The following LPP variants were observed in gnomAD, a reference collection of about 807,000 sequenced individuals.
LPP encodes lipoma-preferred partner.
LPP carries 38 observed loss-of-function variants against 60.4 expected under a neutral mutation model. The ratio of observed to expected loss-of-function variants is 0.63; its 90% CI spans 0.49 to 0.83. The LOEUF (loss-of-function observed/expected upper bound fraction) is 0.83, where lower values mean the gene tolerates loss of function less well. Ranked by LOEUF, LPP falls within the 40% of genes least tolerant of loss-of-function variation. The pLI, the probability that LPP is intolerant of heterozygous loss-of-function variation, is 0.00. For synonymous variants in LPP, 328 were observed against 290.8 expected (o/e 1.13, Z -1.30); for missense variants, 902 against 783.6 (o/e 1.15, Z -1.80).
intron 6 of LPP, among the ~76,000 whole-genome samples, chr3:188,536,229 G>A (rs570636345): frequency 2.6e-5 from 4 of 152,038 alleles, no homozygotes; most frequent in East Asian, 3.9e-4. Flanking sequence ...GGGTGGCCTC[G>A]AACTCCCGAC....
intron 9 of LPP, among the ~76,000 whole-genome samples, chr3:188,808,586 A>C (rs543115721): frequency 6.6e-6 from 1 of 152,258 alleles, no homozygotes; most frequent in Non-Finnish European, 1.5e-5. Flanking sequence ...GCAGGGCATT[A>C]AGCCTTTCCC....
intron 6 of LPP, among the ~76,000 whole-genome samples, chr3:188,535,513 G>A (rs962548135): frequency 6.6e-5 from 10 of 152,088 alleles, no homozygotes; most frequent in African/African-American, 2.4e-4. Flanking sequence ...AAGCTAATCT[G>A]TAATAGATAT....
At chr3:188,291,706 C>A (rs1746039017) in intron 2 of LPP, among the ~76,000 whole-genome samples, 1 of 150,202 alleles carries the variant, frequency 6.7e-6, no homozygotes, top group African/African-American at 2.4e-5. Context: ...GTGTGGGGGG[C>A]TTGTAGCTTT....
rs1207286546 is a variant in LPP at position 188,182,527 on chromosome 3, T to G, written c.-190+28275T>G. Among the ~76,000 whole-genome samples, 2 of 152,106 alleles carry G rather than the reference T, an allele frequency of 1.3e-5. No individual in the cohort carries two copies. Among genetic ancestry groups the G allele is most frequent in the Non-Finnish European group, 2.9e-5 (2 of 68,030 alleles). On this transcript the variant is annotated intron_variant, in intron 1 of 11. Coordinates refer to ENST00000617246, the MANE Select transcript of LPP (RefSeq NM_001375462.1). This position sits in a 1 kb window ranked among gnomAD's most constrained non-coding sequence, Gnocchi z 4.4. ...AGTGAGACCTATGTGGCTGCCATTG[T>G]TTTTGGCTGGGAGTGGTTGTGATAG...
intron 6 of LPP, among the ~76,000 whole-genome samples, chr3:188,593,094 T>C (rs1461717631): frequency 2.0e-5 from 3 of 152,014 alleles, no homozygotes; most frequent in Non-Finnish European, 4.4e-5. Context: ...TTCTAGGTTA[T>C]TGGATGAAGA....
intron 5 of LPP, among the ~76,000 whole-genome samples, chr3:188,504,280 CTTTT>C (rs201860495): frequency 2.0e-4 from 30 of 151,922 alleles, no homozygotes; most frequent in African/African-American, 6.8e-4. Context: ...TCCACAATTG[CTTTT>C]TTTTCTTTTT....
chr3:188,380,884 C>G (rs1776702260), intron 3 of LPP, among the ~76,000 whole-genome samples: 1 of 152,160 alleles, frequency 6.6e-6, no homozygotes, highest in African/African-American at 2.4e-5. Context: ...GTCTTTACAG[C>G]CCATTCTCAT....
At chr3:188,497,089 T>A (rs1200219633) in intron 5 of LPP, among the ~76,000 whole-genome samples, 3 of 152,166 alleles carry the variant, frequency 2.0e-5, no homozygotes, top group African/African-American at 7.2e-5. Flanking sequence ...TTGTGGTTTT[T>A]TTTGAAATAA....
At chr3:188,839,567 G>A (rs774353020) in intron 9 of LPP, among the ~76,000 whole-genome samples, 3 of 152,138 alleles carry the variant, frequency 2.0e-5, no homozygotes, top group East Asian at 1.9e-4. Context: ...AGACAGGCCC[G>A]AGTACAAAAA....
intron 1 of LPP, among the ~76,000 whole-genome samples, chr3:188,164,650 C>G (rs79988754): frequency 0.016 from 2,389 of 152,240 alleles, 28 homozygotes; most frequent in Non-Finnish European, 0.024. Flanking sequence ...GACACCTTTT[C>G]TTAGAATGAG....
chr3:188,627,417 C>T (rs769003913), intron 7 of LPP, among the ~76,000 whole-genome samples: 18 of 152,126 alleles, frequency 1.2e-4, no homozygotes, highest in Non-Finnish European at 2.4e-4. Context: ...CATGCAGTGA[C>T]ACCTTTAGGC....
chr3:188,307,019 A>G (rs1195180324), intron 2 of LPP, among the ~76,000 whole-genome samples: 1 of 152,246 alleles, frequency 6.6e-6, no homozygotes, highest in Non-Finnish European at 1.5e-5. Context: ...TCTTCTGTGC[A>G]TATTTTTAAC....
At chr3:188,684,476 T>C (rs918897255) in intron 7 of LPP, among the ~76,000 whole-genome samples, 2 of 152,232 alleles carry the variant, frequency 1.3e-5, no homozygotes, top group African/African-American at 4.8e-5. Context: ...CAAAGGTCTT[T>C]CTGTACTTGA....
intron 2 of LPP, among the ~76,000 whole-genome samples, chr3:188,276,695 T>TCTCTTTCTC (rs1739908128): frequency 1.8e-4 from 3 of 16,404 alleles, no homozygotes; most frequent in Non-Finnish European, 4.0e-4. Context: ...CTCTCTCTCT[T>TCTCTTTCTC]TCTCTCTCTC....
At chr3:188,240,422 A>T (rs1033927632) in intron 2 of LPP, among the ~76,000 whole-genome samples, 1 of 151,760 alleles carries the variant, frequency 6.6e-6, no homozygotes, top group African/African-American at 2.4e-5. Flanking sequence ...ACAAATGAAG[A>T]GGGAGAGGTC....
intron 9 of LPP, among the ~76,000 whole-genome samples, chr3:188,858,282 T>C (rs1159588887): frequency 6.6e-6 from 1 of 152,200 alleles, no homozygotes; most frequent in Non-Finnish European, 1.5e-5. Flanking sequence ...CTCTGATATG[T>C]TCATTATGCC....
intron 1 of LPP, chr3:188,179,593 A>T (rs1401854744): frequency 2.4e-6 from 1 of 416,952 alleles, no homozygotes; most frequent in Non-Finnish European, 4.8e-6. Context: ...TGCCAGCAGC[A>T]TTCCTTCTAG....
intron 9 of LPP, among the ~76,000 whole-genome samples, chr3:188,779,660 AT>A (rs1211740977): frequency 6.6e-6 from 1 of 152,068 alleles, no homozygotes; most frequent in Admixed American, 6.5e-5. Flanking sequence ...TTTTTTTTAA[AT>A]AAGTGTAATT....
rs115209742 is a variant in LPP at position 188,692,278 on chromosome 3, C to T, written c.1114-15989C>T. On this transcript the variant is annotated intron_variant, in intron 7 of 11. Coordinates refer to ENST00000617246, the MANE Select transcript of LPP (RefSeq NM_001375462.1). ...TGACTTTACCAGCAAAGAATTCCCT[C>T]ACCTTCGAGACATCACTGACATCTT... 3.7e-3 allele frequency among the ~76,000 whole-genome samples: 560 copies of T among 152,324 alleles called. 5 individuals carry two copies. The highest frequency in any genetic ancestry group is 0.013 in the African/African-American group (538 of 41,572).
Sources: allele counts gnomAD v4.1 joint callset (sites outside exome capture counted in the v4.1 genomes callset), GRCh38; gene constraint gnomAD v4.1.1; non-coding constraint Gnocchi (gnomAD v3.1); transcripts MANE v1.5; gene names NCBI Gene and HGNC (gene_info 2026-07-23, HGNC 2026-07-21).